ZNF285: variants seen among roughly 807,000 people sequenced by gnomAD.
ZNF285 encodes the protein zinc finger protein 285A.
A neutral mutation model predicts 6.2 loss-of-function variants in ZNF285; 4 were observed. The ratio of observed to expected loss-of-function variants is 0.65; its 90% CI spans 0.32 to 1.49. The LOEUF is 1.49. Among genes scored for constraint, ZNF285 ranks in the 40% most tolerant of loss-of-function variants. The pLI, the probability that ZNF285 is intolerant of heterozygous loss-of-function variation, is 0.07. For missense variants in ZNF285, 695 were observed against 708.8 expected, an observed-to-expected ratio of 0.98 and a Z score of 0.22; for synonymous variants, 240 against 245.8, an observed-to-expected ratio of 0.98 and a Z score of 0.22.
Position 44,386,302 on chromosome 19 carries a change from C to A in ZNF285, c.*170G>T, listed in dbSNP as rs537048833. On this transcript the variant is annotated 3_prime_UTR_variant, in exon 4 of 4. Coordinates refer to ENST00000614994, the MANE Select transcript of ZNF285 (RefSeq NM_152354.6). Reference sequence around the variant, plus strand: ...AGTTGATGGGAGCTTCACAGAAGTTCTTGAAATCCACAGTCCTTGCCTGGC... The same window carrying A: ...AGTTGATGGGAGCTTCACAGAAGTTATTGAAATCCACAGTCCTTGCCTGGC... 1.7e-4 allele frequency: 125 copies of A among 718,534 alleles called. 2 individuals are homozygous for A. In the South Asian group the frequency reaches 2.1e-3, roughly 12 times the overall value. 44.5% of individuals were successfully genotyped at this position (718,534 alleles called of 1,614,324 possible).
chr19:44,392,280 T>A, intron 3 of ZNF285, 60 bp downstream of exon 3: 2 of 1,608,714 alleles, frequency 1.2e-6, no homozygotes, highest in Non-Finnish European at 1.7e-6. Flanking sequence ...GAATATTCTA[T>A]CTGGTTTGAA....
chr19:44,393,803 C>T (rs566486734), intron 2 of ZNF285, among the ~76,000 whole-genome samples: 3 of 152,166 alleles, frequency 2.0e-5, no homozygotes, highest in South Asian at 2.1e-4. Context: ...CACTTTTACA[C>T]TGCTGGTGGG....
rs1301046424 is a variant in ZNF285, at chr19:44,386,981, G to C, written c.1264C>G (p.His422Asp). Residue 422 changes from histidine (H) to aspartate (D), a missense_variant, in exon 4 of 4, where the codon CAC becomes GAC. Coordinates refer to ENST00000614994, the MANE Select transcript of ZNF285 (RefSeq NM_152354.6). Reference protein sequence around the residue: ...SSVLQVHWRFHTGEKPYRCGE... With the variant: ...SSVLQVHWRFDTGEKPYRCGE... ...CACCTATATGGTTTCTCCCCTGTGT[G>C]AAACCTCCAGTGGACTTGAAGAACG... is the stretch of plus-strand genomic sequence containing the variant. 1.2e-6 allele frequency: 2 copies of C among 1,614,128 alleles called. No individual in the cohort carries two copies. The highest frequency in any genetic ancestry group is 8.5e-7 in the Non-Finnish European group (1 of 1,180,016).
chr19:44,392,625 C>A (rs778767779), intron 2 of ZNF285, 159 bp from the exon 3 acceptor site: 8 of 1,379,636 alleles, frequency 5.8e-6, no homozygotes, highest in Non-Finnish European at 8.0e-6. Context: ...TCAAGTACCA[C>A]CAAGATAGGT....
In ZNF285 at chr19:44,387,163, A is replaced by C. The variant is rs1237801548; in HGVS notation, c.1082T>G (p.Ile361Ser). The C allele has an allele frequency of 1.9e-6, 3 of 1,613,468 alleles. No individual in the cohort carries two copies. The highest frequency in any genetic ancestry group is 2.5e-6 in the Non-Finnish European group (3 of 1,179,896). Residue 361 changes from isoleucine (I) to serine (S), a missense_variant, in exon 4 of 4, where the codon ATT becomes AGT. Transcript: ENST00000614994. Reference protein sequence around the residue: ...KGFGFRSLLCIHQGVHTGKKP... With the variant: ...KGFGFRSLLCSHQGVHTGKKP... Reference sequence around the variant, plus strand: ...TTTCCCTGTGTGTACTCCCTGATGAATACAAAGAAGTGACCTAAATCCAAA... The same window carrying C: ...TTTCCCTGTGTGTACTCCCTGATGACTACAAAGAAGTGACCTAAATCCAAA...
intron 2 of ZNF285, chr19:44,394,559 A>G (rs1216885787): frequency 1.7e-6 from 1 of 591,216 alleles, no homozygotes; most frequent in South Asian, 2.2e-5. Flanking sequence ...AAAGTTGGAA[A>G]GAAGAAAAGA....
intron 2 of ZNF285, among the ~76,000 whole-genome samples, chr19:44,395,755 A>G (rs2571129): frequency 0.33 from 49,668 of 151,878 alleles, 11,509 homozygotes; most frequent in East Asian, 0.75. Context: ...AGTGTAACTT[A>G]TTCTGGCTAC....
chr19:44,386,882 G>A lies in ZNF285; in HGVS notation c.1363C>T (p.Pro455Ser). The A allele has an allele frequency of 6.2e-7, 1 of 1,614,198 alleles. No homozygotes were observed. The highest frequency in any genetic ancestry group is 8.5e-7 in the Non-Finnish European group (1 of 1,180,036). ...TTTCCACACACATTGCATTTGTATG[G>A]TTTCTCCCCTGTGTGGACTCTCTGG... Reference protein sequence around the residue: ...IHQRVHTGEKPYKCNVCGKDF... With the variant: ...IHQRVHTGEKSYKCNVCGKDF... Residue 455 changes from proline to serine, a missense_variant, in exon 4 of 4, where the codon CCA becomes TCA. Transcript: ENST00000614994.
intron 2 of ZNF285, chr19:44,394,629 A>G (rs1971251161): frequency 1.9e-6 from 1 of 518,132 alleles, no homozygotes. Flanking sequence ...TACATAAAAT[A>G]TTTCTATGGC....
chr19:44,393,890 C>T (rs1253949138), intron 2 of ZNF285, among the ~76,000 whole-genome samples: 1 of 152,066 alleles, frequency 6.6e-6, no homozygotes, highest in Non-Finnish European at 1.5e-5. Context: ...TACCATTTGA[C>T]CCAGCCATCC....
At chr19:44,401,017 G>C (rs1971366282) in intron 1 of ZNF285, among the ~76,000 whole-genome samples, 3 of 152,114 alleles carry the variant, frequency 2.0e-5, no homozygotes, top group Admixed American at 2.0e-4. Flanking sequence ...TGGAGTCAGA[G>C]CTGCCAAAAT....
chr19:44,386,399 G>T lies in ZNF285; in HGVS notation c.*73C>A. ...CTTTTGCTCCCCTAGCCCTCCCACAGGCTGAGTAAGCCTCTATCATCTGGA... is the reference window on the plus strand; with the variant it reads ...CTTTTGCTCCCCTAGCCCTCCCACATGCTGAGTAAGCCTCTATCATCTGGA... On this transcript the variant is annotated 3_prime_UTR_variant, in exon 4 of 4. Transcript: ENST00000614994. 6.7e-7 allele frequency: 1 copy of T among 1,501,286 alleles called. No individual in the cohort carries two copies. The highest frequency in any genetic ancestry group is 9.0e-7 in the Non-Finnish European group (1 of 1,115,128). The allele number at this position is 1,501,286 out of a possible 1,614,324, so 93.0% of individuals were successfully genotyped here.
chr19:44,391,750 T>G (rs1203204052), intron 3 of ZNF285, among the ~76,000 whole-genome samples: 1 of 152,016 alleles, frequency 6.6e-6, no homozygotes, highest in South Asian at 2.1e-4. Context: ...AAACCAAATC[T>G]GTATCTCATA....
intron 1 of ZNF285, among the ~76,000 whole-genome samples, chr19:44,398,408 G>A (rs1309964250): frequency 6.6e-6 from 1 of 152,186 alleles, no homozygotes; most frequent in Non-Finnish European, 1.5e-5. Flanking sequence ...GGACAAGAGT[G>A]AAGTCAGAAT....
At chr19:44,399,692 C>T (rs1971344189) in intron 1 of ZNF285, among the ~76,000 whole-genome samples, 1 of 151,522 alleles carries the variant, frequency 6.6e-6, no homozygotes, top group Non-Finnish European at 1.5e-5. Flanking sequence ...TCAGACACTA[C>T]CTGCCTGTAT....
chr19:44,392,139 G>A lies in ZNF285; in HGVS notation c.142+201C>T, dbSNP rs146715801. 5.4e-5 allele frequency: 77 copies of A among 1,417,344 alleles called. No homozygotes were observed. In the African/African-American group the frequency reaches 9.8e-4, roughly 18 times the overall value. 87.8% of individuals were successfully genotyped at this position (1,417,344 alleles called of 1,614,324 possible). A position where few individuals can be genotyped will look rare whatever the true frequency, so the allele number is the denominator to read the frequency against. ...AGGCCAGGGGTATGAGATTTGGGGA[G>A]AGCTCCCTCACAAACCCATCACAAG... On this transcript the variant is annotated intron_variant, in intron 3 of 3. Transcript: ENST00000614994.
Position 44,398,591 on chromosome 19 carries a change from T to A in ZNF285, c.-43-1335A>T, listed in dbSNP as rs984245290. ...CAGTCCTAAAGTCAGTAAGTTACCC[T>A]GCTATCACTAGCTCTGAAATATTGC... On this transcript the variant is annotated intron_variant, in intron 1 of 3. Coordinates refer to ENST00000614994, the MANE Select transcript of ZNF285 (RefSeq NM_152354.6). Among the ~76,000 whole-genome samples, 8 of 152,304 alleles carry A rather than the reference T, an allele frequency of 5.3e-5. No individual in the cohort carries two copies. In the East Asian group the frequency reaches 1.4e-3, roughly 26 times the overall value.
rs780997664 is a variant in ZNF285 at position 44,386,573 on chromosome 19, G to A, written c.1672C>T (p.His558Tyr). The A allele has an allele frequency of 3.1e-6, 5 of 1,614,004 alleles. No individual in the cohort carries two copies. The highest frequency in any genetic ancestry group is 2.5e-6 in the Non-Finnish European group (3 of 1,179,998). ...GFSRNSYLLAHQRVHIDETQY... is the reference protein window; with the variant it reads ...GFSRNSYLLAYQRVHIDETQY... Reference sequence around the variant, plus strand: ...GTCTCATCTATATGCACTCTCTGATGGGCAAGGAGGTATGAATTACGACTG... The same window carrying A: ...GTCTCATCTATATGCACTCTCTGATAGGCAAGGAGGTATGAATTACGACTG... Residue 558 changes from histidine to tyrosine, a missense_variant, in exon 4 of 4, where the codon CAT (histidine) becomes TAT (tyrosine). Coordinates refer to ENST00000614994, the MANE Select transcript of ZNF285 (RefSeq NM_152354.6).
At position 44,385,033 on chromosome 19, in the gene ZNF285, T is replaced by C. The variant is rs1379118793; in HGVS notation, c.*1439A>G. 2.9e-5 allele frequency: 4 copies of C among 136,378 alleles called. No homozygotes were observed. The highest frequency in any genetic ancestry group is 3.1e-5 in the Non-Finnish European group (2 of 64,696). 8.4% of individuals were successfully genotyped at this position (136,378 alleles called of 1,614,324 possible). A position where few individuals can be genotyped will look rare whatever the true frequency, so the allele number is the denominator to read the frequency against. On this transcript the variant is annotated 3_prime_UTR_variant, in exon 4 of 4. Transcript: ENST00000614994. ...AAAAAAAAAAAAAAAAGCAAAGAGATCTCCTCTCGAATTCATCTATTATCC... is the reference window on the plus strand; with the variant it reads ...AAAAAAAAAAAAAAAAGCAAAGAGACCTCCTCTCGAATTCATCTATTATCC...
Sources: allele counts gnomAD v4.1 joint callset (sites outside exome capture counted in the v4.1 genomes callset), GRCh38; gene constraint gnomAD v4.1.1; transcripts MANE v1.5; gene names NCBI Gene and HGNC (gene_info 2026-07-23, HGNC 2026-07-21).